NDUFAF6: variants seen among roughly 807,000 people sequenced by gnomAD.
The protein encoded by NDUFAF6 is NADH:ubiquinone oxidoreductase complex assembly factor 6, also known as NADH dehydrogenase (ubiquinone) complex I, assembly factor 6.
A neutral mutation model predicts 40.8 loss-of-function variants in NDUFAF6; 45 were observed. That is an observed-to-expected ratio of 1.10 (90% CI 0.87 to 1.42). The LOEUF is 1.42. NDUFAF6 is among the 40% of genes most tolerant of loss of function. NDUFAF6 has a pLI of 0.00. For missense variants in NDUFAF6, 435 were observed against 418.5 expected (o/e 1.04, Z -0.34); for synonymous variants, 185 against 155.9 (o/e 1.19, Z -1.39).
chr8:95,045,330 TTGAGGTTATTCC>T (rs1268040979), intron 4 of NDUFAF6, among the ~76,000 whole-genome samples: 2 of 152,210 alleles, frequency 1.3e-5, no homozygotes, highest in African/African-American at 4.8e-5. Flanking sequence ...GATTTGTATA[TTGAGGTTATTCC>T]TGATGTCTTA....
chr8:94,995,076 A>G (rs746515045), intron 2 of NDUFAF6, among the ~76,000 whole-genome samples: 7 of 152,258 alleles, frequency 4.6e-5, no homozygotes, highest in Non-Finnish European at 8.8e-5. Context: ...GAAACAATCC[A>G]GTTGTCCATT....
chr8:95,025,445 A>G (rs191761826), intron 1 of NDUFAF6, among the ~76,000 whole-genome samples: 8 of 152,308 alleles, frequency 5.3e-5, no homozygotes, highest in African/African-American at 1.9e-4. Context: ...TTGTCGCCTT[A>G]TCTGAACCTT....
chr8:95,061,373 A>G (rs1832567790), downstream of NDUFAF6, among the ~76,000 whole-genome samples: 1 of 152,212 alleles, frequency 6.6e-6, no homozygotes, highest in African/African-American at 2.4e-5. Context: ...TGCCTTGTCT[A>G]GAAAGATCCT....
intron 2 of NDUFAF6, among the ~76,000 whole-genome samples, chr8:95,082,808 C>T (rs1292130203): frequency 6.6e-6 from 1 of 152,068 alleles, no homozygotes; most frequent in African/African-American, 2.4e-5. Flanking sequence ...TACAGGCGCC[C>T]GCCACTACGC....
intron 1 of NDUFAF6, 36 bp from the exon 2 acceptor site, chr8:95,031,959 T>G (rs772699485): frequency 6.3e-7 from 1 of 1,579,706 alleles, no homozygotes; most frequent in Middle Eastern, 1.7e-4. Flanking sequence ...GCTTGGAAAG[T>G]GAAGAGTAAC....
downstream of NDUFAF6, among the ~76,000 whole-genome samples, chr8:95,117,279 G>A (rs1810154418): frequency 6.6e-6 from 1 of 152,206 alleles, no homozygotes; most frequent in Non-Finnish European, 1.5e-5. Flanking sequence ...TCTCTATTGA[G>A]TGTACTGGTA....
intron 1 of NDUFAF6, among the ~76,000 whole-genome samples, chr8:94,914,103 CTT>C (rs563687562): frequency 2.6e-3 from 252 of 98,172 alleles, no homozygotes; most frequent in African/African-American, 9.4e-3. Flanking sequence ...GACCTTATCT[CTT>C]TTTTTTTTTT....
At chr8:94,912,501 A>G (rs943625682) in intron 1 of NDUFAF6, among the ~76,000 whole-genome samples, 1 of 152,214 alleles carries the variant, frequency 6.6e-6, no homozygotes, top group Non-Finnish European at 1.5e-5. Context: ...GTTTATTTAA[A>G]TAATAAACCA....
downstream of NDUFAF6, among the ~76,000 whole-genome samples, chr8:95,077,116 G>T (rs1364216846): frequency 6.6e-6 from 1 of 152,098 alleles, no homozygotes; most frequent in East Asian, 1.9e-4. Flanking sequence ...AAGGAGGGAG[G>T]CCTTCGAAAA....
Position 95,094,169 on chromosome 8 carries a change from G to T in NDUFAF6, n.214-6963G>T, listed in dbSNP as rs369613016. 4.6e-5 allele frequency among the ~76,000 whole-genome samples: 7 copies of T among 152,012 alleles called. No individual in the cohort carries two copies. The East Asian group carries it at 1.4e-3, about 29-fold the overall frequency. ...GTATTTTTAGTAGAGACAGGTTTTC[G>T]CCATGTTGGCCAGACTGGGCTTGAA... On this transcript the variant is annotated intron_variant and non_coding_transcript_variant, in intron 2 of 5. Transcript: ENST00000523184.
chr8:94,898,619 AT>A (rs1817817583), intron 1 of NDUFAF6, among the ~76,000 whole-genome samples: 1 of 152,160 alleles, frequency 6.6e-6, no homozygotes, highest in Non-Finnish European at 1.5e-5. Context: ...CCATTGTAAA[AT>A]TACTCTTTTT....
intron 1 of NDUFAF6, among the ~76,000 whole-genome samples, chr8:94,943,800 A>G (rs1470359292): frequency 2.0e-5 from 3 of 152,218 alleles, no homozygotes; most frequent in Non-Finnish European, 2.9e-5. Flanking sequence ...CTAATTATTA[A>G]AAATAGGTAA....
intron 1 of NDUFAF6, among the ~76,000 whole-genome samples, chr8:94,968,916 A>G (rs1211298709): frequency 6.6e-6 from 1 of 152,148 alleles, no homozygotes; most frequent in Non-Finnish European, 1.5e-5. Context: ...GGAGGAGTCA[A>G]AGATGACTGC....
chr8:95,035,412 G>GTAGAC, intron 2 of NDUFAF6, 42 bp from the exon 3 acceptor site: 1 of 1,609,230 alleles, frequency 6.2e-7, no homozygotes, highest in South Asian at 1.1e-5. Context: ...TTTTTAGACA[G>GTAGAC]TAGACAATGC....
intron 2 of NDUFAF6, among the ~76,000 whole-genome samples, chr8:95,013,626 C>T (rs1232216659): frequency 1.3e-5 from 2 of 152,110 alleles, no homozygotes; most frequent in South Asian, 2.1e-4. Context: ...TTTTAAGTGC[C>T]GTGGGTATAA....
chr8:95,053,963 C>G (rs1191400481), intron 8 of NDUFAF6, among the ~76,000 whole-genome samples: 2 of 88,026 alleles, frequency 2.3e-5, no homozygotes, highest in African/African-American at 8.9e-5. Flanking sequence ...GAGACAAAAT[C>G]TCACTCTGTT....
intron 2 of NDUFAF6, among the ~76,000 whole-genome samples, chr8:95,101,500 T>C (rs1809646002): frequency 6.6e-6 from 1 of 152,196 alleles, no homozygotes; most frequent in South Asian, 2.1e-4. Flanking sequence ...AACACTGAAT[T>C]GCTGGAAGGC....
At chr8:95,048,422 T>C (rs757242305) in intron 6 of NDUFAF6, 35 bp from the exon 7 acceptor site, 10 of 1,481,382 alleles carry the variant, frequency 6.8e-6, no homozygotes, top group Non-Finnish European at 9.4e-6. Context: ...GAAGTGCTTT[T>C]AGGTTCCTAA....
chr8:95,028,823 T>C (rs963067731), intron 1 of NDUFAF6, among the ~76,000 whole-genome samples: 1 of 152,218 alleles, frequency 6.6e-6, no homozygotes, highest in Non-Finnish European at 1.5e-5. Flanking sequence ...TCAAGTGTTT[T>C]AAACACTTCT....
Sources: allele counts gnomAD v4.1 joint callset (sites outside exome capture counted in the v4.1 genomes callset), GRCh38; gene constraint gnomAD v4.1.1; transcripts MANE v1.5; gene names NCBI Gene and HGNC (gene_info 2026-07-23, HGNC 2026-07-21).